Variants in PIP5K1A observed in about 807,000 individuals in gnomAD.
The protein encoded by PIP5K1A is phosphatidylinositol 4-phosphate 5-kinase type-1 alpha.
Under a neutral mutation model 72.9 loss-of-function variants are expected in PIP5K1A, and 46 were observed. That is an observed-to-expected ratio of 0.63 (90% CI 0.50 to 0.81). The LOEUF is 0.81. PIP5K1A is among the 30% of genes least tolerant of loss of function. The pLI, the probability that PIP5K1A is intolerant of heterozygous loss-of-function variation, is 0.00. For synonymous variants in PIP5K1A, 228 were observed against 255.1 expected, an observed-to-expected ratio of 0.89 and a Z score of 1.01; for missense variants, 458 against 706.1, an observed-to-expected ratio of 0.65 and a Z score of 3.98.
At chr1:151,216,412 A>G (rs1466408553) in intron 1 of PIP5K1A, among the ~76,000 whole-genome samples, 2 of 151,966 alleles carry the variant, frequency 1.3e-5, no homozygotes, top group East Asian at 3.9e-4. Flanking sequence ...TTCTTCTAAG[A>G]AGGCTGTGGA....
At chr1:151,245,692 T>C (rs6702612) in intron 14 of PIP5K1A, among the ~76,000 whole-genome samples, 128,248 of 152,014 alleles carry the variant, frequency 0.84, 54,400 homozygotes, top group Non-Finnish European at 0.87. Context: ...TGCACCATCA[T>C]GCCTGGCTAA....
chr1:151,209,969 T>C (rs1686559452), intron 1 of PIP5K1A, among the ~76,000 whole-genome samples: 1 of 151,968 alleles, frequency 6.6e-6, no homozygotes, highest in African/African-American at 2.4e-5. Flanking sequence ...CTGCAATCTC[T>C]GCCTCCTGGG....
intron 4 of PIP5K1A, among the ~76,000 whole-genome samples, chr1:151,230,731 G>A (rs1037937263): frequency 2.0e-5 from 3 of 152,216 alleles, no homozygotes; most frequent in East Asian, 1.9e-4. Context: ...TAGTAGAGAC[G>A]GTTTCACCAC....
intron 3 of PIP5K1A, 30 bp downstream of exon 3, chr1:151,224,436 T>C (rs767100687): frequency 7.0e-7 from 1 of 1,434,194 alleles, no homozygotes; most frequent in Admixed American, 1.7e-5. Context: ...ACTCATCTTT[T>C]ATTGTAGTTT....
At chr1:151,224,962 C>G (rs1237860564) in intron 3 of PIP5K1A, among the ~76,000 whole-genome samples, 1 of 152,146 alleles carries the variant, frequency 6.6e-6, no homozygotes, top group Non-Finnish European at 1.5e-5. Context: ...CTTCCAGCAT[C>G]TGTCAGGTGA....
At chr1:151,229,241 C>T (rs1050802701) in intron 4 of PIP5K1A, among the ~76,000 whole-genome samples, 2 of 148,180 alleles carry the variant, frequency 1.3e-5, no homozygotes, top group Non-Finnish European at 1.5e-5. Context: ...GACTGGAATG[C>T]AGTGGGTGCG....
intron 9 of PIP5K1A, 113 bp from the exon 10 acceptor site, chr1:151,238,069 G>T: frequency 3.0e-6 from 2 of 670,882 alleles, no homozygotes; most frequent in Non-Finnish European, 5.4e-6. Context: ...CTTATTATCT[G>T]ACCTTCTGGT....
At chr1:151,208,056 TC>T (rs931693818) in intron 1 of PIP5K1A, among the ~76,000 whole-genome samples, 2 of 151,590 alleles carry the variant, frequency 1.3e-5, no homozygotes, top group African/African-American at 4.9e-5. Flanking sequence ...ATGGGGTTTC[TC>T]CATGTTGGGT....
Position 151,236,610 on chromosome 1 carries a change from A to G in PIP5K1A, c.992A>G (p.Asn331Ser), listed in dbSNP as rs754456936. The change falls in exon 9 of 16, where the codon AAT becomes AGT. Residue 331 changes from asparagine to serine, a missense_variant. By Grantham distance (46) the Asn-to-Ser change is conservative (BLOSUM62 1). Transcript: ENST00000368888. The part of the protein sequence containing the change: ...MDYSLLMSIH[N>S]IDHAQREPLS... Reference sequence around the variant, plus strand: ...TACAGCCTCTTGATGTCAATCCATAATATAGATCATGCACAACGAGAGCCC... The same window carrying G: ...TACAGCCTCTTGATGTCAATCCATAGTATAGATCATGCACAACGAGAGCCC... The G allele has an allele frequency of 7.4e-6, 12 of 1,613,104 alleles. No homozygotes were observed. In the East Asian group the frequency reaches 2.7e-4, roughly 36 times the overall value.
At chr1:151,238,040 C>T in intron 9 of PIP5K1A, 142 bp from the exon 10 acceptor site, 2 of 594,464 alleles carry the variant, frequency 3.4e-6, no homozygotes, top group South Asian at 2.1e-5. Flanking sequence ...ATTTTTTTCT[C>T]TTTTTGTTTT....
intron 7 of PIP5K1A, chr1:151,233,648 C>T (rs138203757): frequency 9.5e-4 from 146 of 153,108 alleles, no homozygotes; most frequent in African/African-American, 3.3e-3. Flanking sequence ...CTATGTTACC[C>T]AGGCTGGTCT....
At chr1:151,226,640 G>A (rs1026886771) in intron 3 of PIP5K1A, among the ~76,000 whole-genome samples, 5 of 150,706 alleles carry the variant, frequency 3.3e-5, no homozygotes, top group Non-Finnish European at 5.9e-5. Flanking sequence ...TTGAACCCGG[G>A]AGGTGGAGGT....
chr1:151,221,263 A>C (rs1211196632), intron 1 of PIP5K1A, among the ~76,000 whole-genome samples: 1 of 152,208 alleles, frequency 6.6e-6, no homozygotes, highest in East Asian at 1.9e-4. Flanking sequence ...GTTTAGTGTT[A>C]ATAACATTAA....
chr1:151,232,737 G>C, intron 7 of PIP5K1A, 34 bp downstream of exon 7: 4 of 1,589,924 alleles, frequency 2.5e-6, no homozygotes, highest in Non-Finnish European at 2.6e-6. Flanking sequence ...CACCTGTGCT[G>C]CTCACTTCTG....
chr1:151,236,826 T>TC, intron 9 of PIP5K1A, 63 bp downstream of exon 9: 3 of 1,035,638 alleles, frequency 2.9e-6, no homozygotes, highest in Admixed American at 2.8e-5. Flanking sequence ...CTTTTCTTTT[T>TC]TTTTTTTTTT....
chr1:151,234,471 G>A lies in PIP5K1A; in HGVS notation c.914G>A (p.Cys305Tyr). 6.2e-7 allele frequency: 1 copy of A among 1,614,040 alleles called. No homozygotes were observed. The highest frequency in any genetic ancestry group is 8.5e-7 in the Non-Finnish European group (1 of 1,179,928). ...FLDADMYNAL[C>Y]KTLQRDCLVL... ...GATGCTGACATGTACAACGCTCTCTGTAAGACCCTGCAGCGTGACTGTTTG... is the reference window on the plus strand; with the variant it reads ...GATGCTGACATGTACAACGCTCTCTATAAGACCCTGCAGCGTGACTGTTTG... Residue 305 changes from cysteine (C) to tyrosine (Y), a missense_variant, in exon 8 of 16, where the codon TGT (cysteine) becomes TAT (tyrosine). By Grantham distance (194) the Cys-to-Tyr change is radical. Transcript: ENST00000368888.
intron 1 of PIP5K1A, 41 bp downstream of exon 1, chr1:151,199,122 A>G: frequency 5.6e-6 from 9 of 1,613,476 alleles, no homozygotes; most frequent in Middle Eastern, 3.3e-4. Flanking sequence ...GGTGAGGAAT[A>G]TGCGATGGGA....
upstream of PIP5K1A, chr1:151,195,451 A>C (rs954489006): frequency 1.3e-5 from 2 of 152,228 alleles, no homozygotes; most frequent in Admixed American, 6.6e-5. Context: ...CTACTATGCC[A>C]GGAATGTTAC....
Position 151,236,549 on chromosome 1 carries a change from T to A in PIP5K1A, c.940-9T>A. 1 of 1,552,970 alleles carries A rather than the reference T, an allele frequency of 6.4e-7. No homozygotes were observed. Among genetic ancestry groups the A allele is most frequent in the East Asian group, 2.2e-5 (1 of 44,622 alleles). On this transcript the variant is annotated splice_polypyrimidine_tract_variant and intron_variant, in intron 8 of 15. Coordinates refer to ENST00000368888, the MANE Select transcript of PIP5K1A (RefSeq NM_001135638.2). The stretch of plus-strand genomic sequence containing the variant: ...CAAGGCTCAGATCATGTTTTTTTCC[T>A]TCCATTAGGTGCTGCAGAGCTTCAA...
Sources: allele counts gnomAD v4.1 joint callset (sites outside exome capture counted in the v4.1 genomes callset), GRCh38; gene constraint gnomAD v4.1.1; transcripts MANE v1.5; gene names NCBI Gene and HGNC (gene_info 2026-07-23, HGNC 2026-07-21).